FHIT: variants seen among roughly 807,000 people sequenced by gnomAD.
FHIT encodes fragile histidine triad diadenosine triphosphatase, also known as bis(5'-adenosyl)-triphosphatase.
Under a neutral mutation model 17.9 loss-of-function variants are expected in FHIT, and 19 were observed. The observed-to-expected ratio is 1.06, with a 90% CI of 0.74 to 1.56. The LOEUF is 1.56. Among genes scored for constraint, FHIT ranks in the 40% most tolerant of loss-of-function variants. FHIT has a pLI of 0.00. For synonymous variants in FHIT, 81 were observed against 69.7 expected (o/e 1.16, Z -0.81); for missense variants, 248 against 189.2 (o/e 1.31, Z -1.82).
chr3:60,945,290 A>C (rs542849206), intron 3 of FHIT, among the ~76,000 whole-genome samples: 7 of 152,146 alleles, frequency 4.6e-5, no homozygotes, highest in Non-Finnish European at 7.4e-5. Flanking sequence ...GAGAAAGGAG[A>C]GTGGTATGAG....
At chr3:60,324,641 G>C (rs1709598931) in intron 5 of FHIT, among the ~76,000 whole-genome samples, 1 of 151,600 alleles carries the variant, frequency 6.6e-6, no homozygotes, top group South Asian at 2.1e-4. Context: ...AGGGATTAAG[G>C]AGCTAAAGTG....
At position 60,399,267 on chromosome 3, in the gene FHIT, C is replaced by T. The variant is rs577824339; in HGVS notation, c.103+137593G>A. Among the ~76,000 whole-genome samples, 4 of 152,246 alleles carry T rather than the reference C, an allele frequency of 2.6e-5. No individual in the cohort carries two copies. In the East Asian group the frequency reaches 7.7e-4, roughly 29 times the overall value. ...TTTTCTTTTTGCACTGGGATTTTGT[C>T]CTTCATAGTTCTAAAAGAAATATCC... On this transcript the variant is annotated intron_variant, in intron 5 of 9. Transcript: ENST00000492590.
intron 7 of FHIT, among the ~76,000 whole-genome samples, chr3:59,950,461 C>G (rs767508245): frequency 6.6e-6 from 1 of 152,156 alleles, no homozygotes; most frequent in East Asian, 1.9e-4. Context: ...TTTCCATGAC[C>G]GATCCTCCAA....
chr3:60,098,005 G>T (rs1704033192), intron 5 of FHIT, among the ~76,000 whole-genome samples: 1 of 151,496 alleles, frequency 6.6e-6, no homozygotes, highest in East Asian at 1.9e-4. Flanking sequence ...TGAGAATGAT[G>T]GTTTCCAGTT....
intron 4 of FHIT, among the ~76,000 whole-genome samples, chr3:60,767,145 A>T (rs1273178942): frequency 6.6e-6 from 1 of 152,260 alleles, no homozygotes; most frequent in Non-Finnish European, 1.5e-5. Flanking sequence ...AAAACAGACA[A>T]ATAACAGGCA....
chr3:60,525,002 G>A (rs1441396817), intron 5 of FHIT, among the ~76,000 whole-genome samples: 2 of 152,190 alleles, frequency 1.3e-5, no homozygotes, highest in African/African-American at 4.8e-5. Flanking sequence ...AGGGGCAATG[G>A]TTGATGGCAG....
At chr3:60,261,083 T>C (rs1443108989) in intron 5 of FHIT, among the ~76,000 whole-genome samples, 1 of 152,102 alleles carries the variant, frequency 6.6e-6, no homozygotes, top group Non-Finnish European at 1.5e-5. Context: ...GTATTTTCAG[T>C]TGAGCAGCCC....
intron 4 of FHIT, among the ~76,000 whole-genome samples, chr3:60,540,179 G>A (rs568874088): frequency 6.6e-6 from 1 of 152,218 alleles, no homozygotes; most frequent in East Asian, 1.9e-4. Context: ...AGCTGAACAC[G>A]CAGAAGTTCC....
intron 3 of FHIT, among the ~76,000 whole-genome samples, chr3:61,023,011 A>G (rs373862929): frequency 6.6e-6 from 1 of 152,206 alleles, no homozygotes; most frequent in Non-Finnish European, 1.5e-5. Flanking sequence ...GGCAAGAGAA[A>G]GAAATAAAGC....
At chr3:60,120,013 G>A (rs1473728609) in intron 5 of FHIT, among the ~76,000 whole-genome samples, 1 of 152,084 alleles carries the variant, frequency 6.6e-6, no homozygotes, top group African/African-American at 2.4e-5. Context: ...TAAAAAATCA[G>A]CCTAATCAAC....
chr3:60,968,046 C>T (rs1473577489), intron 3 of FHIT, among the ~76,000 whole-genome samples: 1 of 152,118 alleles, frequency 6.6e-6, no homozygotes, highest in Non-Finnish European at 1.5e-5. Context: ...TATTGGTAAA[C>T]AAAAACAATT....
rs148795929 is a variant in FHIT, at chr3:60,323,093, T to C, written c.103+213767A>G. ...TCCTACTTCCAACTTCCTGCAAAAA[T>C]CCTACACAGAGGCAAAATATATAAA... On this transcript the variant is annotated intron_variant, in intron 5 of 9. Transcript: ENST00000492590. 2.5e-3 allele frequency among the ~76,000 whole-genome samples: 379 copies of C among 152,144 alleles called. 1 individual carries two copies. Among genetic ancestry groups the C allele is most frequent in the Non-Finnish European group, 3.4e-3 (228 of 68,006 alleles).
intron 2 of FHIT, among the ~76,000 whole-genome samples, chr3:61,071,306 G>A (rs1251460682): frequency 6.6e-6 from 1 of 152,188 alleles, no homozygotes; most frequent in Non-Finnish European, 1.5e-5. Context: ...TGGAAAGGTA[G>A]ACTATACAAC....
chr3:61,058,566 A>G (rs2034310184), intron 2 of FHIT, among the ~76,000 whole-genome samples: 1 of 152,038 alleles, frequency 6.6e-6, no homozygotes, highest in South Asian at 2.1e-4. Flanking sequence ...TGGTTGTTTA[A>G]AAGTGTGCAG....
At chr3:59,908,920 C>T (rs1334074148) in intron 8 of FHIT, among the ~76,000 whole-genome samples, 1 of 149,568 alleles carries the variant, frequency 6.7e-6, no homozygotes, top group African/African-American at 2.4e-5. Flanking sequence ...TCAGACACAG[C>T]AAGAGTTGAC....
At chr3:60,418,734 G>A (rs1359120009) in intron 5 of FHIT, among the ~76,000 whole-genome samples, 1 of 150,706 alleles carries the variant, frequency 6.6e-6, no homozygotes, top group Non-Finnish European at 1.5e-5. Flanking sequence ...ACTCCAGCAT[G>A]GGGAACAAAG....
intron 3 of FHIT, among the ~76,000 whole-genome samples, chr3:60,967,414 A>T (rs1350912227): frequency 1.3e-5 from 2 of 152,228 alleles, no homozygotes; most frequent in African/African-American, 4.8e-5. Flanking sequence ...GTCAAATTTG[A>T]CAGGAAGGAT....
intron 8 of FHIT, among the ~76,000 whole-genome samples, chr3:59,858,774 G>A (rs554258378): frequency 1.3e-5 from 2 of 152,214 alleles, no homozygotes; most frequent in African/African-American, 4.8e-5. Flanking sequence ...ATATATTAAG[G>A]ATAATGGGAA....
intron 1 of FHIT, among the ~76,000 whole-genome samples, chr3:61,230,573 T>C (rs1281571256): frequency 1.3e-5 from 2 of 152,256 alleles, no homozygotes; most frequent in East Asian, 3.9e-4. Flanking sequence ...AATGGCCTAA[T>C]ATCATCACAC....
Sources: allele counts gnomAD v4.1 joint callset (sites outside exome capture counted in the v4.1 genomes callset), GRCh38; gene constraint gnomAD v4.1.1; transcripts MANE v1.5; gene names NCBI Gene and HGNC (gene_info 2026-07-23, HGNC 2026-07-21).